LRP2: variants seen among roughly 807,000 people sequenced by gnomAD.
LRP2 encodes the protein low-density lipoprotein receptor-related protein 2.
A neutral mutation model predicts 531.0 loss-of-function variants in LRP2; 172 were observed. The ratio of observed to expected loss-of-function variants is 0.32; its 90% CI spans 0.29 to 0.37. LRP2 has a LOEUF of 0.37. Ranked by LOEUF, LRP2 falls within the 10% of genes least tolerant of loss-of-function variation. LRP2 has a pLI of 1.00. For missense variants in LRP2, 5,167 were observed against 5,868.3 expected (o/e 0.88, Z 3.90); for synonymous variants, 1,992 against 2,027.6 (o/e 0.98, Z 0.47).
At position 169,188,007 on chromosome 2, in the gene LRP2, T is replaced by G. The variant is rs747586626; in HGVS notation, c.9291A>C (p.Leu3097=). The change falls in exon 49 of 79, where the codon CTA becomes CTC. Residue 3097 remains leucine, a synonymous_variant. Transcript: ENST00000649046. Reference sequence around the variant, plus strand: ...CATCGCTGTTGTCCAAACAGTCATCTAGGTGGTTGCAGAGTTTCATCATCT... The same window carrying G: ...CATCGCTGTTGTCCAAACAGTCATCGAGGTGGTTGCAGAGTTTCATCATCT... ...CIEMMKLCNH[L]DDCLDNSDEK... 3.1e-6 allele frequency: 5 copies of G among 1,614,016 alleles called. No individual in the cohort carries two copies. The highest frequency in any genetic ancestry group is 4.2e-6 in the Non-Finnish European group (5 of 1,180,016).
At chr2:169,151,896 C>A (rs966320595) in intron 67 of LRP2, among the ~76,000 whole-genome samples, 1 of 152,124 alleles carries the variant, frequency 6.6e-6, no homozygotes, top group Non-Finnish European at 1.5e-5. Context: ...ACCCAATTAG[C>A]TTCTTCAAAG....
At chr2:169,271,772 C>A in intron 15 of LRP2, 1 of 757,040 alleles carries the variant, frequency 1.3e-6, no homozygotes, top group Non-Finnish European at 1.6e-6. Context: ...AGATCTACAC[C>A]AAGAACCTTA....
At chr2:169,283,056 C>G (rs1423884514) in intron 9 of LRP2, 55 bp from the exon 10 acceptor site, 3 of 1,592,678 alleles carry the variant, frequency 1.9e-6, no homozygotes, top group Non-Finnish European at 2.6e-6. Flanking sequence ...TTATTAAGCA[C>G]TCTCTGACAA....
At chr2:169,335,824 G>A (rs994548074) in intron 1 of LRP2, among the ~76,000 whole-genome samples, 1 of 152,122 alleles carries the variant, frequency 6.6e-6, no homozygotes, top group South Asian at 2.1e-4. Context: ...GACCAGCCTG[G>A]CCAGCATGGC....
chr2:169,323,270 C>A (rs1303263514), intron 1 of LRP2, among the ~76,000 whole-genome samples: 1 of 152,142 alleles, frequency 6.6e-6, no homozygotes, highest in Non-Finnish European at 1.5e-5. Context: ...TCAGTAGTAA[C>A]TTCGATGCCT....
chr2:169,192,996 A>T (rs1022508579), intron 47 of LRP2, among the ~76,000 whole-genome samples: 1 of 152,170 alleles, frequency 6.6e-6, no homozygotes, highest in Non-Finnish European at 1.5e-5. Flanking sequence ...ACTAGCTAAG[A>T]TTTCCATACC....
Position 169,289,106 on chromosome 2 carries a change from C to CACTGGT in LRP2, c.956_961dup (p.Tyr319_Gln320dup). ...CGCTCCTCCATACGGCGTCTCATGG[C>CACTGGT]ACTGGTACTGGCAGTTCAAGGCAGA... On this transcript the variant is annotated inframe_insertion, in exon 9 of 79. Transcript: ENST00000649046. The CACTGGT allele has an allele frequency of 6.2e-7, 1 of 1,614,146 alleles. No individual in the cohort carries two copies. Among genetic ancestry groups the CACTGGT allele is most frequent in the Non-Finnish European group, 8.5e-7 (1 of 1,179,994 alleles).
intron 9 of LRP2, among the ~76,000 whole-genome samples, chr2:169,287,852 T>A (rs1036567546): frequency 1.1e-5 from 1 of 90,408 alleles, no homozygotes; most frequent in African/African-American, 3.8e-5. Flanking sequence ...TTTTAATATT[T>A]TAATATTAAA....
At chr2:169,361,270 GCCT>G (rs1221215950) in intron 1 of LRP2, among the ~76,000 whole-genome samples, 1 of 151,610 alleles carries the variant, frequency 6.6e-6, no homozygotes, top group Non-Finnish European at 1.5e-5. Flanking sequence ...GCCGGTTCCA[GCCT>G]CCTCCTCGCC....
rs970072464 is a variant in LRP2, at chr2:169,139,610, C to A, written c.13200G>T (p.Lys4400Asn). 2.5e-6 allele frequency: 4 copies of A among 1,614,082 alleles called. No individual in the cohort carries two copies. The highest frequency in any genetic ancestry group is 1.7e-6 in the Non-Finnish European group (2 of 1,179,958). The change falls in exon 73 of 79, where the codon AAG (lysine) becomes AAT (asparagine). Residue 4400 changes from lysine to asparagine, a missense_variant and splice_region_variant. Transcript: ENST00000649046. ...YFDETDLPKCKCPSGYTGKYC... is the reference protein window; with the variant it reads ...YFDETDLPKCNCPSGYTGKYC... The stretch of plus-strand genomic sequence containing the variant: ...ATTTTCCGGTGTAGCCGCTAGGACA[C>A]CTGAAAGGAAAAAGCAAATCATTCA...
chr2:169,316,686 G>A (rs1040400812), intron 3 of LRP2, among the ~76,000 whole-genome samples: 5 of 151,982 alleles, frequency 3.3e-5, no homozygotes, highest in African/African-American at 9.7e-5. Flanking sequence ...CAAAAATCTG[G>A]GTTGTAAACA....
chr2:169,200,105 G>C (rs974867315), intron 44 of LRP2, among the ~76,000 whole-genome samples: 1 of 152,074 alleles, frequency 6.6e-6, no homozygotes, highest in Non-Finnish European at 1.5e-5. Flanking sequence ...CAAAAAATTA[G>C]CCAGGCATGG....
At chr2:169,259,819 A>G (rs964075042) in intron 16 of LRP2, among the ~76,000 whole-genome samples, 3 of 151,866 alleles carry the variant, frequency 2.0e-5, no homozygotes, top group Admixed American at 1.3e-4. Context: ...TTTTTTCACT[A>G]AAGAAAATCT....
chr2:169,216,250 T>TACC lies in LRP2; in HGVS notation c.5826_5826+2dup. The TACC allele has an allele frequency of 1.2e-6, 2 of 1,613,276 alleles. No homozygotes were observed. Among genetic ancestry groups the TACC allele is most frequent in the South Asian group, 2.2e-5 (2 of 91,078 alleles). ...GACCAAAAGACTGAAAGGGTGCTCA[T>TACC]ACCACTCCTCTTCCAGTGACTGCCC... On this transcript the variant is annotated splice_region_variant and intron_variant, in intron 35 of 78. Coordinates refer to ENST00000649046, the MANE Select transcript of LRP2 (RefSeq NM_004525.3).
At chr2:169,171,087 C>T (rs770130276) in intron 58 of LRP2, among the ~76,000 whole-genome samples, 8 of 151,768 alleles carry the variant, frequency 5.3e-5, no homozygotes, top group Non-Finnish European at 1.2e-4. Flanking sequence ...TTTTCTATTT[C>T]GTGAAACTCT....
chr2:169,257,458 C>T (rs1480951409), intron 17 of LRP2, among the ~76,000 whole-genome samples: 1 of 152,036 alleles, frequency 6.6e-6, no homozygotes, highest in African/African-American at 2.4e-5. Flanking sequence ...ATACAAATGG[C>T]ATTTAAATGG....
chr2:169,153,350 A>G (rs1469598787), intron 66 of LRP2, among the ~76,000 whole-genome samples: 1 of 152,216 alleles, frequency 6.6e-6, no homozygotes, highest in Non-Finnish European at 1.5e-5. Context: ...GAGGCAATAA[A>G]GAAGCCATGT....
rs1483865943 is a variant in LRP2 at position 169,128,822 on chromosome 2, G to A, written c.13809C>T (p.Asn4603=). 2.0e-5 allele frequency: 32 copies of A among 1,613,886 alleles called. No individual in the cohort carries two copies. Among genetic ancestry groups the A allele is most frequent in the East Asian group, 6.7e-5 (3 of 44,892 alleles). Residue 4603 remains asparagine, a synonymous_variant, in exon 79 of 79, where the codon AAC becomes AAT. Coordinates refer to ENST00000649046, the MANE Select transcript of LRP2 (RefSeq NM_004525.3). The part of the protein sequence containing the change: ...FENPIYAQME[N]EQKESVAATP... Reference sequence around the variant, plus strand: ...TCGCAGCAACACTTTCCTTTTGCTCGTTCTCCATCTAAGAATACAATGTAA... The same window carrying A: ...TCGCAGCAACACTTTCCTTTTGCTCATTCTCCATCTAAGAATACAATGTAA...
intron 29 of LRP2, among the ~76,000 whole-genome samples, chr2:169,233,874 CA>C (rs1689504771): frequency 6.6e-6 from 1 of 152,086 alleles, no homozygotes; most frequent in South Asian, 2.1e-4. Context: ...AACTGAAGCA[CA>C]AAAAGCAAGG....
Sources: gnomAD v4.1 joint callset for allele counts (sites outside exome capture counted in the v4.1 genomes callset) on GRCh38, gnomAD v4.1.1 for gene constraint, MANE v1.5 for transcripts, NCBI Gene and HGNC (gene_info 2026-07-23, HGNC 2026-07-21) for gene names.